NAALADL2: variants seen among roughly 807,000 people sequenced by gnomAD.
NAALADL2 encodes inactive N-acetylated-alpha-linked acidic dipeptidase-like protein 2.
A neutral mutation model predicts 87.2 loss-of-function variants in NAALADL2; 76 were observed. The ratio of observed to expected loss-of-function variants is 0.87; its 90% CI spans 0.72 to 1.05. NAALADL2 has a LOEUF of 1.05. NAALADL2 is among the 50% of genes least tolerant of loss of function. NAALADL2 has a pLI of 0.00. For synonymous variants in NAALADL2, 354 were observed against 331.0 expected (o/e 1.07, Z -0.75); for missense variants, 1,089 against 945.8 (o/e 1.15, Z -1.99).
chr3:174,987,450 T>C (rs1245681069), intron 1 of NAALADL2, among the ~76,000 whole-genome samples: 2 of 144,764 alleles, frequency 1.4e-5, no homozygotes, highest in Admixed American at 6.8e-5. Flanking sequence ...GCGCCTGTAG[T>C]CCCAGCTACT....
At position 175,471,758 on chromosome 3, in the gene NAALADL2, G is replaced by T; in HGVS notation, c.1653G>T (p.Glu551Asp). 6.2e-7 allele frequency: 1 copy of T among 1,600,110 alleles called. No individual in the cohort carries two copies. Among genetic ancestry groups the T allele is most frequent in the Non-Finnish European group, 8.5e-7 (1 of 1,174,858 alleles). Residue 551 changes from glutamate (E) to aspartate (D), a missense_variant and splice_region_variant, in exon 9 of 14, where the codon GAG becomes GAT. Physicochemically the swap from Glu to Asp is conservative, Grantham distance 45. Transcript: ENST00000454872. ...CATCTCTTCAGCAACTGGTAGTAGA[G>T]GTAAGACAAACCACTATTGTATCAA... is the stretch of plus-strand genomic sequence containing the variant. ...ASPSLQQLVV[E>D]KNNFNCTRRA...
At chr3:174,927,277 C>T (rs2108392325) in intron 1 of NAALADL2, among the ~76,000 whole-genome samples, 1 of 152,292 alleles carries the variant, frequency 6.6e-6, no homozygotes, top group East Asian at 1.9e-4. Context: ...TAACACCCCA[C>T]TGTCAACATT....
intron 11 of NAALADL2, chr3:175,655,560 T>G (rs1336191427): frequency 4.0e-6 from 1 of 248,990 alleles, no homozygotes; most frequent in African/African-American, 2.3e-5. Context: ...CTTTTGAAAA[T>G]CCTACAAAGT....
At chr3:175,481,633 A>G (rs1726483570) in intron 9 of NAALADL2, among the ~76,000 whole-genome samples, 1 of 151,976 alleles carries the variant, frequency 6.6e-6, no homozygotes, top group Non-Finnish European at 1.5e-5. Context: ...TACATTATAC[A>G]ACAACATACA....
At chr3:175,150,267 A>C (rs1731353756) in intron 2 of NAALADL2, among the ~76,000 whole-genome samples, 1 of 152,152 alleles carries the variant, frequency 6.6e-6, no homozygotes, top group African/African-American at 2.4e-5. Context: ...TGGCTAGCCT[A>C]TTACAAATAA....
At chr3:175,557,118 C>T (rs924382537) in intron 9 of NAALADL2, among the ~76,000 whole-genome samples, 2 of 152,182 alleles carry the variant, frequency 1.3e-5, no homozygotes, top group African/African-American at 2.4e-5. Flanking sequence ...CAAAGACTGA[C>T]CTTCGATATA....
chr3:174,446,697 G>A (rs370863747), intron 1 of NAALADL2, among the ~76,000 whole-genome samples: 1 of 152,104 alleles, frequency 6.6e-6, no homozygotes, highest in African/African-American at 2.4e-5. Flanking sequence ...CTGGGGGCAG[G>A]GGGATTCATG....
chr3:175,581,177 C>T (rs919445365), intron 10 of NAALADL2: 5 of 378,036 alleles, frequency 1.3e-5, no homozygotes, highest in South Asian at 5.9e-5. Context: ...CGCGGTGGCT[C>T]ATGCCTGTCA....
At chr3:175,643,435 G>C (rs1468935278) in intron 11 of NAALADL2, among the ~76,000 whole-genome samples, 1 of 152,176 alleles carries the variant, frequency 6.6e-6, no homozygotes. Context: ...TGCTAGAATA[G>C]TTGACTGTCA....
At chr3:175,354,305 G>C (rs762424307) in intron 5 of NAALADL2, among the ~76,000 whole-genome samples, 7 of 151,980 alleles carry the variant, frequency 4.6e-5, no homozygotes, top group Non-Finnish European at 5.9e-5. Flanking sequence ...CAGACTAAAG[G>C]ATATTCTGAA....
At chr3:174,954,430 CAGTG>C (rs1343006733) in intron 1 of NAALADL2, among the ~76,000 whole-genome samples, 5 of 152,020 alleles carry the variant, frequency 3.3e-5, no homozygotes, top group Non-Finnish European at 4.4e-5. Context: ...TGTAGACTGA[CAGTG>C]AGACTTAGAT....
chr3:175,284,186 G>GTT (rs34562094), intron 4 of NAALADL2, among the ~76,000 whole-genome samples: 67,428 of 142,542 alleles, frequency 0.47, 17,240 homozygotes, highest in East Asian at 0.77. Context: ...TTTACACTGT[G>GTT]TTTTTTTTTT....
intron 1 of NAALADL2, among the ~76,000 whole-genome samples, chr3:175,003,305 G>A (rs1345733915): frequency 6.6e-6 from 1 of 152,132 alleles, no homozygotes; most frequent in Admixed American, 6.5e-5. Flanking sequence ...ATCACTGGAG[G>A]CCAGGAGTTC....
At chr3:174,708,617 G>A (rs756959425) in intron 2 of NAALADL2, among the ~76,000 whole-genome samples, 4 of 152,130 alleles carry the variant, frequency 2.6e-5, no homozygotes, top group Non-Finnish European at 5.9e-5. Flanking sequence ...ATGCTATAAA[G>A]ATAGTTTATG....
intron 5 of NAALADL2, among the ~76,000 whole-genome samples, chr3:175,419,327 T>G (rs1231131891): frequency 6.6e-6 from 1 of 151,932 alleles, no homozygotes; most frequent in Non-Finnish European, 1.5e-5. Context: ...TACTTGTATG[T>G]CCTCTGTTTT....
chr3:175,292,654 T>G (rs968820490), intron 4 of NAALADL2, among the ~76,000 whole-genome samples: 1 of 151,526 alleles, frequency 6.6e-6, no homozygotes, highest in Non-Finnish European at 1.5e-5. Context: ...CCATATTCAT[T>G]CTGGAGTTCT....
intron 10 of NAALADL2, among the ~76,000 whole-genome samples, chr3:175,591,674 T>A (rs1042118069): frequency 1.3e-5 from 2 of 151,914 alleles, no homozygotes; most frequent in Non-Finnish European, 2.9e-5. Flanking sequence ...CTGTAGACAC[T>A]AAGGGTATCT....
chr3:174,720,540 G>T (rs1731616685), intron 2 of NAALADL2, among the ~76,000 whole-genome samples: 1 of 152,064 alleles, frequency 6.6e-6, no homozygotes, highest in South Asian at 2.1e-4. Context: ...TTTATATAAT[G>T]CTGTGTATTG....
chr3:175,319,258 T>C lies in NAALADL2; in HGVS notation c.940-4917T>C, dbSNP rs73047249. Among the ~76,000 whole-genome samples the C allele has an allele frequency of 2.7e-3, 405 of 152,352 alleles. 2 individuals carry two copies. Among genetic ancestry groups the C allele is most frequent in the African/African-American group, 8.7e-3 (362 of 41,586 alleles). On this transcript the variant is annotated intron_variant, in intron 4 of 13. Coordinates refer to ENST00000454872, the MANE Select transcript of NAALADL2 (RefSeq NM_207015.3). ...AAAAGTCTGATATGCATGGTTGTTA[T>C]AGAAGAGAAATTAGTCATTTGTGTT... is the stretch of plus-strand genomic sequence containing the variant.
Sources: allele counts gnomAD v4.1 joint callset (sites outside exome capture counted in the v4.1 genomes callset), GRCh38; gene constraint gnomAD v4.1.1; transcripts MANE v1.5; gene names NCBI Gene and HGNC (gene_info 2026-07-23, HGNC 2026-07-21).